PPP1R16B: variants seen among roughly 807,000 people sequenced by gnomAD.
PPP1R16B encodes protein phosphatase 1 regulatory inhibitor subunit 16B.
A neutral mutation model predicts 61.7 loss-of-function variants in PPP1R16B; 14 were observed. That is an observed-to-expected ratio of 0.23 (90% CI 0.15 to 0.35). The LOEUF (loss-of-function observed/expected upper bound fraction) is 0.35. Ranked by LOEUF, PPP1R16B falls within the 10% of genes least tolerant of loss-of-function variation. The pLI is 1.00. For synonymous variants in PPP1R16B, 266 were observed against 305.3 expected (o/e 0.87, Z 1.34); for missense variants, 547 against 752.5 (o/e 0.73, Z 3.19).
intron 1 of PPP1R16B, among the ~76,000 whole-genome samples, chr20:38,826,072 C>T: frequency 6.6e-6 from 1 of 152,160 alleles, no homozygotes; most frequent in East Asian, 1.9e-4. Context: ...TTAGAGGCCA[C>T]CCCCAGCCTA....
intron 4 of PPP1R16B, among the ~76,000 whole-genome samples, chr20:38,898,900 C>A (rs980792874): frequency 3.3e-5 from 5 of 152,124 alleles, no homozygotes; most frequent in African/African-American, 9.7e-5. Flanking sequence ...TTGCACCAAC[C>A]TAAATAATAA....
At position 38,921,487 on chromosome 20, in the gene PPP1R16B, C is replaced by T. The variant is rs1006421715; in HGVS notation, c.*2821C>T. 3.9e-5 allele frequency: 6 copies of T among 152,238 alleles called. No individual in the cohort carries two copies. The highest frequency in any genetic ancestry group is 1.9e-4 in the East Asian group (1 of 5,196). 9.4% of individuals were successfully genotyped at this position (152,238 alleles called of 1,614,324 possible). A position where few individuals can be genotyped will look rare whatever the true frequency, so the allele number is the denominator to read the frequency against. On this transcript the variant is annotated 3_prime_UTR_variant, in exon 11 of 11. Transcript: ENST00000299824. ...ACCTGAGGCAAAGTGTCTGCATCTT[C>T]GTCCAGCGACCCTTTGCTTTTCGGC...
intron 2 of PPP1R16B, among the ~76,000 whole-genome samples, chr20:38,886,634 A>G (rs760161760): frequency 6.6e-6 from 1 of 152,160 alleles, no homozygotes; most frequent in Non-Finnish European, 1.5e-5. Context: ...AATCTCCTAC[A>G]TGGTCCTGAG....
chr20:38,822,271 T>C (rs1049776360), intron 1 of PPP1R16B, among the ~76,000 whole-genome samples: 2 of 151,836 alleles, frequency 1.3e-5, no homozygotes, highest in Admixed American at 6.6e-5. Context: ...GGGATATTTC[T>C]CCTTATTTTC....
At chr20:38,808,268 G>A (rs1420568943) in intron 1 of PPP1R16B, among the ~76,000 whole-genome samples, 1 of 152,178 alleles carries the variant, frequency 6.6e-6, no homozygotes, top group African/African-American at 2.4e-5. Flanking sequence ...TGTAGCAACA[G>A]AGGCTGCAGC....
chr20:38,856,968 G>A (rs1465380799), intron 2 of PPP1R16B, among the ~76,000 whole-genome samples: 2 of 152,220 alleles, frequency 1.3e-5, no homozygotes, highest in Non-Finnish European at 2.9e-5. Flanking sequence ...CTCAGGTAGG[G>A]TGTCCTGGTT....
intron 6 of PPP1R16B, among the ~76,000 whole-genome samples, chr20:38,903,567 G>A (rs11086739): frequency 0.61 from 76,892 of 125,750 alleles, 20,869 homozygotes; most frequent in Non-Finnish European, 0.65. Context: ...CCATCCATCC[G>A]TCCGTCCGTC....
Position 38,893,844 on chromosome 20 carries a change from C to T in PPP1R16B, c.322-1721C>T, listed in dbSNP as rs79102763. Among the ~76,000 whole-genome samples the T allele has an allele frequency of 6.8e-3, 1,033 of 152,246 alleles. 10 individuals carry two copies. Among genetic ancestry groups the T allele is most frequent in the African/African-American group, 0.02 (837 of 41,556 alleles). On this transcript the variant is annotated intron_variant, in intron 3 of 10. Coordinates refer to ENST00000299824, the MANE Select transcript of PPP1R16B (RefSeq NM_015568.4). ...TCAACCAGAGGCTTCCACTCCACCC[C>T]CTATGTTTCCTGCGGTCTCTAGGGG... is the stretch of plus-strand genomic sequence containing the variant.
intron 2 of PPP1R16B, among the ~76,000 whole-genome samples, chr20:38,873,701 G>A (rs181243191): frequency 6.6e-6 from 1 of 151,826 alleles, no homozygotes; most frequent in Non-Finnish European, 1.5e-5. Flanking sequence ...CCCAGAACAG[G>A]TGATCCAAGG....
intron 1 of PPP1R16B, among the ~76,000 whole-genome samples, chr20:38,811,857 A>G (rs925388082): frequency 6.6e-6 from 1 of 152,214 alleles, no homozygotes; most frequent in Non-Finnish European, 1.5e-5. Context: ...CCAAATATCA[A>G]TAGTGCTGAG....
At chr20:38,813,393 T>C (rs2084713854) in intron 1 of PPP1R16B, among the ~76,000 whole-genome samples, 1 of 152,178 alleles carries the variant, frequency 6.6e-6, no homozygotes, top group South Asian at 2.1e-4. Flanking sequence ...TCAGCCAATA[T>C]AGGGCCCTGA....
intron 2 of PPP1R16B, among the ~76,000 whole-genome samples, chr20:38,844,390 G>GA (rs978470279): frequency 5.9e-5 from 9 of 151,654 alleles, no homozygotes; most frequent in Admixed American, 2.0e-4. Flanking sequence ...CCCTTTTTAG[G>GA]AAAAAAAACA....
chr20:38,854,384 T>A (rs1179181473), intron 2 of PPP1R16B, among the ~76,000 whole-genome samples: 2 of 152,234 alleles, frequency 1.3e-5, no homozygotes, highest in African/African-American at 4.8e-5. Context: ...TGTTGAACCT[T>A]CAATAATTGG....
intron 2 of PPP1R16B, among the ~76,000 whole-genome samples, chr20:38,866,139 T>A (rs1288227962): frequency 6.6e-6 from 1 of 150,936 alleles, no homozygotes; most frequent in Admixed American, 6.6e-5. Context: ...AAAAAAAAAA[T>A]TAAAAATAAA....
intron 2 of PPP1R16B, among the ~76,000 whole-genome samples, chr20:38,868,594 G>T (rs574434074): frequency 6.6e-6 from 1 of 152,126 alleles, no homozygotes; most frequent in African/African-American, 2.4e-5. Flanking sequence ...TGTTGGTCAG[G>T]CTGGTCTTGA....
At chr20:38,848,653 T>G (rs2084949401) in intron 2 of PPP1R16B, among the ~76,000 whole-genome samples, 1 of 152,210 alleles carries the variant, frequency 6.6e-6, no homozygotes, top group South Asian at 2.1e-4. Flanking sequence ...CTCCAAAGCT[T>G]TGCAGGGACA....
chr20:38,823,806 G>T (rs565525882), intron 1 of PPP1R16B, among the ~76,000 whole-genome samples: 5 of 152,280 alleles, frequency 3.3e-5, no homozygotes, highest in Admixed American at 1.3e-4. Flanking sequence ...AGCTCCAACA[G>T]TAAGGGAAGT....
Position 38,806,958 on chromosome 20 carries a change from A to G in PPP1R16B, c.-102+1166A>G, listed in dbSNP as rs996449102. 6.6e-6 allele frequency among the ~76,000 whole-genome samples: 1 copy of G among 152,066 alleles called. No individual in the cohort carries two copies. Among genetic ancestry groups the G allele is most frequent in the Non-Finnish European group, 1.5e-5 (1 of 68,006 alleles). The stretch of plus-strand genomic sequence containing the variant: ...ACCGAGCTGCCTGCGCGCCCATGTG[A>G]TTGCATTTCACATAAAGGGCCCCTG... On this transcript the variant is annotated intron_variant, in intron 1 of 10. Coordinates refer to ENST00000299824, the MANE Select transcript of PPP1R16B (RefSeq NM_015568.4). This position sits in a 1 kb window ranked among gnomAD's most constrained non-coding sequence, Gnocchi z 4.5.
At chr20:38,841,519 C>A (rs2084909264) in intron 2 of PPP1R16B, among the ~76,000 whole-genome samples, 1 of 152,122 alleles carries the variant, frequency 6.6e-6, no homozygotes, top group Admixed American at 6.5e-5. Flanking sequence ...CAGAGCAAGA[C>A]CCCATCTCAA....
Sources: gnomAD v4.1 joint callset for allele counts (sites outside exome capture counted in the v4.1 genomes callset) on GRCh38, gnomAD v4.1.1 for gene constraint, Gnocchi (gnomAD v3.1) non-coding constraint, MANE v1.5 for transcripts, NCBI Gene and HGNC (gene_info 2026-07-23, HGNC 2026-07-21) for gene names.